FGGY: variants seen among roughly 807,000 people sequenced by gnomAD.
FGGY encodes FGGY carbohydrate kinase domain containing, also known as FGGY carbohydrate kinase domain-containing protein.
Under a neutral mutation model 71.3 loss-of-function variants are expected in FGGY, and 72 were observed. The observed-to-expected ratio is 1.01, with a 90% CI of 0.84 to 1.23. The LOEUF is 1.23. Ranked by LOEUF, FGGY falls within the 50% of genes most tolerant of loss-of-function variation. The probability of loss-of-function intolerance (pLI) is 0.00; values close to 1 mark genes in which losing one functional copy is unlikely to be tolerated. For missense variants in FGGY, 668 were observed against 682.3 expected, an observed-to-expected ratio of 0.98 and a Z score of 0.23; for synonymous variants, 251 against 250.3, an observed-to-expected ratio of 1.00 and a Z score of -0.02.
At chr1:59,581,885 G>A (rs2096200708) in intron 8 of FGGY, among the ~76,000 whole-genome samples, 1 of 149,706 alleles carries the variant, frequency 6.7e-6, no homozygotes, top group South Asian at 2.1e-4. Flanking sequence ...ATCTTTCAGG[G>A]ACCGATATGT....
intron 5 of FGGY, among the ~76,000 whole-genome samples, chr1:59,390,774 A>G (rs2060598652): frequency 6.6e-6 from 1 of 152,214 alleles, no homozygotes; most frequent in Non-Finnish European, 1.5e-5. Flanking sequence ...GACCAGTATC[A>G]CAGACACCAA....
intron 15 of FGGY, among the ~76,000 whole-genome samples, chr1:59,761,906 A>G (rs1422070088): frequency 6.6e-6 from 1 of 152,208 alleles, no homozygotes; most frequent in African/African-American, 2.4e-5. Flanking sequence ...GGCTAGTTAT[A>G]TAGGAAATAC....
At chr1:59,542,567 C>T (rs962065888) in intron 7 of FGGY, among the ~76,000 whole-genome samples, 1 of 131,476 alleles carries the variant, frequency 7.6e-6, no homozygotes, top group African/African-American at 2.8e-5. Context: ...TCAAGCATTT[C>T]TGTCTCAGCG....
At chr1:59,588,182 G>A (rs1022529879) in intron 8 of FGGY, among the ~76,000 whole-genome samples, 1 of 152,198 alleles carries the variant, frequency 6.6e-6, no homozygotes, top group Admixed American at 6.5e-5. Flanking sequence ...TCAACTGGAA[G>A]AAAGGGTATC....
intron 1 of FGGY, chr1:59,316,291 C>T (rs1570224446): frequency 6.6e-6 from 1 of 152,188 alleles, no homozygotes; most frequent in African/African-American, 2.4e-5. Context: ...TGCACTGTCA[C>T]CAAATAAATC....
rs190350795 is a variant in FGGY at position 59,299,865 on chromosome 1, C to G, written c.-15+2715C>G. The stretch of plus-strand genomic sequence containing the variant: ...AAATGGTTATGGCAGAGCAGGAAAT[C>G]GGAATGAGTCAGGGTGGAGAATGAG... On this transcript the variant is annotated intron_variant, in intron 1 of 15. Coordinates refer to ENST00000303721, the MANE Select transcript of FGGY (RefSeq NM_018291.5). 3.0e-4 allele frequency among the ~76,000 whole-genome samples: 45 copies of G among 151,896 alleles called. No homozygotes were observed. In the East Asian group the frequency reaches 7.9e-3, roughly 27 times the overall value.
chr1:59,487,862 A>G (rs2153579156), intron 6 of FGGY, among the ~76,000 whole-genome samples: 1 of 151,916 alleles, frequency 6.6e-6, no homozygotes, highest in Non-Finnish European at 1.5e-5. Context: ...CTCTTTCACA[A>G]TCCTAAAAGC....
chr1:59,584,344 G>A (rs35410100), intron 8 of FGGY, among the ~76,000 whole-genome samples: 19,344 of 149,730 alleles, frequency 0.13, 2,204 homozygotes, highest in South Asian at 0.32. Flanking sequence ...CTTCATCCCT[G>A]GGATGCAAGG....
intron 6 of FGGY, among the ~76,000 whole-genome samples, chr1:59,470,043 A>G (rs991403856): frequency 6.6e-6 from 1 of 152,146 alleles, no homozygotes; most frequent in Non-Finnish European, 1.5e-5. Context: ...TATTGTGAAC[A>G]GTGCTGCAGT....
chr1:59,507,923 C>A (rs541037244), intron 6 of FGGY, among the ~76,000 whole-genome samples: 1 of 152,170 alleles, frequency 6.6e-6, no homozygotes, highest in African/African-American at 2.4e-5. Context: ...CTGAAGCCCT[C>A]CGCTGCCTCT....
At chr1:59,471,667 C>G (rs1350920422) in intron 6 of FGGY, among the ~76,000 whole-genome samples, 2 of 152,180 alleles carry the variant, frequency 1.3e-5, no homozygotes, top group Non-Finnish European at 2.9e-5. Context: ...AGTCATGCAT[C>G]CAGCCAACCA....
At chr1:59,671,898 G>T (rs532261224) in intron 13 of FGGY, among the ~76,000 whole-genome samples, 8 of 152,294 alleles carry the variant, frequency 5.3e-5, no homozygotes, top group Non-Finnish European at 8.8e-5. Context: ...AGCAACTTGA[G>T]AGCTGATAGG....
In FGGY at chr1:59,762,549, CAGA is replaced by C; in HGVS notation, c.1624_1626del (p.Lys542del). On this transcript the variant is annotated inframe_deletion, in exon 16 of 16. Transcript: ENST00000303721. ...AGTATTCCTGAAGCTGGTTGAACAC[CAGA>C]AGGAGTATTTGGCGATCATGAATGA... is the stretch of plus-strand genomic sequence containing the variant. 1 of 1,613,816 alleles carries C rather than the reference CAGA, an allele frequency of 6.2e-7. No homozygotes were observed. The highest frequency in any genetic ancestry group is 1.1e-5 in the South Asian group (1 of 91,012).
intron 14 of FGGY, among the ~76,000 whole-genome samples, chr1:59,678,987 T>G (rs2097465109): frequency 6.6e-6 from 1 of 152,146 alleles, no homozygotes; most frequent in Non-Finnish European, 1.5e-5. Flanking sequence ...CCATCAACTT[T>G]CCCTGTCACG....
chr1:59,646,208 C>A (rs1252144208), intron 11 of FGGY, among the ~76,000 whole-genome samples: 2 of 152,160 alleles, frequency 1.3e-5, no homozygotes, highest in African/African-American at 2.4e-5. Flanking sequence ...AGCTCATGAG[C>A]TAATTGAAGT....
At chr1:59,600,028 G>T (rs2153807831) in intron 8 of FGGY, among the ~76,000 whole-genome samples, 1 of 152,320 alleles carries the variant, frequency 6.6e-6, no homozygotes, top group Non-Finnish European at 1.5e-5. Flanking sequence ...AAAGATCATT[G>T]TGGTGGAGGT....
At chr1:59,501,441 T>C (rs753338289) in intron 6 of FGGY, among the ~76,000 whole-genome samples, 2 of 152,122 alleles carry the variant, frequency 1.3e-5, no homozygotes, top group Non-Finnish European at 2.9e-5. Flanking sequence ...AAAGCAAAAT[T>C]GTAGAAACCA....
chr1:59,516,082 ATTATGCCTTC>A (rs58970196), intron 7 of FGGY, among the ~76,000 whole-genome samples: 38,888 of 151,660 alleles, frequency 0.26, 7,652 homozygotes, highest in African/African-American at 0.54. Flanking sequence ...TTTTATCCTT[ATTATGCCTTC>A]TTATGCCTTC....
At chr1:59,538,408 A>C (rs1365855946) in intron 7 of FGGY, among the ~76,000 whole-genome samples, 3 of 152,074 alleles carry the variant, frequency 2.0e-5, no homozygotes, top group Non-Finnish European at 2.9e-5. Flanking sequence ...ACTGTAAACT[A>C]GTTGAACCAT....
Sources: gnomAD v4.1 joint callset for allele counts (sites outside exome capture counted in the v4.1 genomes callset) on GRCh38, gnomAD v4.1.1 for gene constraint, MANE v1.5 for transcripts, NCBI Gene and HGNC (gene_info 2026-07-23, HGNC 2026-07-21) for gene names.